ADI1: variants seen among roughly 807,000 people sequenced by gnomAD.
ADI1 encodes the protein acireductone dioxygenase 1.
A neutral mutation model predicts 18.7 loss-of-function variants in ADI1; 21 were observed. The ratio of observed to expected loss-of-function variants is 1.13; its 90% CI spans 0.80 to 1.62. The LOEUF (loss-of-function observed/expected upper bound fraction) is 1.62. Among genes scored for constraint, ADI1 ranks in the 40% most tolerant of loss-of-function variants. The probability of loss-of-function intolerance (pLI) is 0.00; values close to 1 mark genes in which losing one functional copy is unlikely to be tolerated. For missense variants in ADI1, 245 were observed against 254.9 expected (o/e 0.96, Z 0.26); for synonymous variants, 90 against 100.1 (o/e 0.90, Z 0.60).
At chr2:3,514,219 C>T (rs1041641675) in intron 1 of ADI1, among the ~76,000 whole-genome samples, 3 of 152,340 alleles carry the variant, frequency 2.0e-5, no homozygotes, top group African/African-American at 7.2e-5. Context: ...AACAGTCCAT[C>T]CCAGGGGATT....
intron 2 of ADI1, 58 bp downstream of exon 2, chr2:3,513,799 G>A (rs555716253): frequency 5.5e-5 from 83 of 1,501,404 alleles, no homozygotes; most frequent in Middle Eastern, 2.5e-4. Flanking sequence ...AAAATATTGC[G>A]TCTATTAGTA....
At chr2:3,510,358 G>A (rs1667274233) in intron 2 of ADI1, among the ~76,000 whole-genome samples, 2 of 151,880 alleles carry the variant, frequency 1.3e-5, no homozygotes, top group Non-Finnish European at 2.9e-5. Context: ...TAATGACAAA[G>A]AAAGAACTCA....
rs1329009676 is a variant in ADI1, at chr2:3,500,947, C to T, written c.287G>A (p.Arg96His). Residue 96 changes from arginine to histidine, a missense_variant, in exon 3 of 4, where the codon CGC becomes CAC. By Grantham distance (29) the Arg-to-His change is conservative. Transcript: ENST00000327435. ...EEHLHLDDEI[R>H]YILDGSGYFD... The stretch of plus-strand genomic sequence containing the variant: ...GTACCCACTGCCATCCAGGATGTAG[C>T]GGATCTCATCGTCCAAGTGCAAATG... 11 of 1,613,288 alleles carry T rather than the reference C, an allele frequency of 6.8e-6. No individual in the cohort carries two copies. The highest frequency in any genetic ancestry group is 1.6e-4 in the Middle Eastern group (1 of 6,074).
chr2:3,500,865 G>A lies in ADI1; in HGVS notation c.369C>T (p.Asp123=). The A allele has an allele frequency of 6.2e-7, 1 of 1,614,216 alleles. No homozygotes were observed. Among genetic ancestry groups the A allele is most frequent in the Non-Finnish European group, 8.5e-7 (1 of 1,180,036 alleles). The stretch of plus-strand genomic sequence containing the variant: ...AGATCCCCGCGGGGAGCGTCACCAT[G>A]TCTCCCTTCTCCATGAAGATCCGGA... ...QWIRIFMEKG[D]MVTLPAGIYH... is the part of the protein sequence containing the mutation. Residue 123 remains aspartate, a synonymous_variant, in exon 3 of 4, where the codon GAC becomes GAT. Coordinates refer to ENST00000327435, the MANE Select transcript of ADI1 (RefSeq NM_018269.4).
intron 2 of ADI1, among the ~76,000 whole-genome samples, chr2:3,502,448 CTCTTTTT>C (rs1667045234): frequency 1.6e-5 from 2 of 123,438 alleles, no homozygotes; most frequent in Admixed American, 7.9e-5. Context: ...ACGGAAATAG[CTCTTTTT>C]TTTTTTTTTT....
intron 2 of ADI1, among the ~76,000 whole-genome samples, chr2:3,502,842 G>A (rs1275384567): frequency 6.6e-6 from 1 of 152,134 alleles, no homozygotes; most frequent in East Asian, 1.9e-4. Context: ...GCACTCAGTA[G>A]GCCTGCTGCT....
chr2:3,497,983 G>A lies in ADI1; in HGVS notation c.*980C>T, dbSNP rs1214393306. 2.6e-5 allele frequency: 4 copies of A among 151,990 alleles called. No homozygotes were observed. Among genetic ancestry groups the A allele is most frequent in the African/African-American group, 4.8e-5 (2 of 41,448 alleles). The allele number at this position is 151,990 out of a possible 1,614,324, so 9.4% of individuals were successfully genotyped here. A position where few individuals can be genotyped will look rare whatever the true frequency, so the allele number is the denominator to read the frequency against. On this transcript the variant is annotated 3_prime_UTR_variant, in exon 4 of 4. Transcript: ENST00000327435. ...CACACTTGACAGAAGCAAGCCCTGC[G>A]GTATATGGCATCATCACACCACCGG... is the stretch of plus-strand genomic sequence containing the variant.
In ADI1 at chr2:3,519,478, C is replaced by A; in HGVS notation, c.10G>T (p.Ala4Ser). The change falls in exon 1 of 4, where the codon GCC becomes TCC. Residue 4 changes from alanine (A) to serine (S), a missense_variant. Transcript: ENST00000327435. MVQ[A>S]WYMDDAPGDP... ...CCCGGGGCGTCGTCCATATACCAGG[C>A]CTGCACCATGACGCGCAGTGCGGGT... 2 of 1,310,140 alleles carry A rather than the reference C, an allele frequency of 1.5e-6. No individual in the cohort carries two copies. The highest frequency in any genetic ancestry group is 3.1e-5 in the East Asian group (1 of 32,400). The allele number at this position is 1,310,140 out of a possible 1,614,324, so 81.2% of individuals were successfully genotyped here.
intron 3 of ADI1, among the ~76,000 whole-genome samples, chr2:3,499,412 C>A (rs1480036709): frequency 6.6e-6 from 1 of 152,156 alleles, no homozygotes; most frequent in African/African-American, 2.4e-5. Context: ...ACCTCCTCTC[C>A]GCCTCATTTG....
intron 1 of ADI1, chr2:3,519,149 C>T: frequency 1.9e-6 from 1 of 523,506 alleles, no homozygotes; most frequent in Non-Finnish European, 2.9e-6. Context: ...CACACCCAGG[C>T]GCCGCGCAGG....
At position 3,503,925 on chromosome 2, in the gene ADI1, C is replaced by T. The variant is rs547767632; in HGVS notation, c.241-2932G>A. 3.3e-5 allele frequency among the ~76,000 whole-genome samples: 5 copies of T among 152,276 alleles called. No homozygotes were observed. The South Asian group carries it at 6.2e-4, about 19-fold the overall frequency. ...GAACAGAGAAGAGGGGGACATGCCT[C>T]CTGACAGTGAAAACCAACCCCCGGG... On this transcript the variant is annotated intron_variant, in intron 2 of 3. Transcript: ENST00000327435.
At chr2:3,507,702 A>C (rs1300818795) in intron 2 of ADI1, among the ~76,000 whole-genome samples, 1 of 152,224 alleles carries the variant, frequency 6.6e-6, no homozygotes, top group African/African-American at 2.4e-5. Context: ...TGAATCTCAG[A>C]TCTAAGTAAA....
chr2:3,511,649 C>T (rs1476997582), intron 2 of ADI1, among the ~76,000 whole-genome samples: 2 of 152,254 alleles, frequency 1.3e-5, no homozygotes, highest in Non-Finnish European at 1.5e-5. Flanking sequence ...TGGGGCATTG[C>T]TATAAAGATA....
intron 2 of ADI1, among the ~76,000 whole-genome samples, chr2:3,508,731 A>G (rs1225206460): frequency 6.6e-6 from 1 of 152,042 alleles, no homozygotes; most frequent in African/African-American, 2.4e-5. Flanking sequence ...GGGAGACCCC[A>G]CCTCTATGAA....
intron 2 of ADI1, among the ~76,000 whole-genome samples, chr2:3,501,627 C>T (rs945715422): frequency 3.3e-5 from 5 of 151,824 alleles, no homozygotes; most frequent in African/African-American, 1.2e-4. Context: ...TCCGCCTCCC[C>T]GATTCAAGCG....
At position 3,510,167 on chromosome 2, in the gene ADI1, T is replaced by C. The variant is rs149277241; in HGVS notation, c.240+3690A>G. On this transcript the variant is annotated intron_variant, in intron 2 of 3. Coordinates refer to ENST00000327435, the MANE Select transcript of ADI1 (RefSeq NM_018269.4). ...TCAAAAAAAAAAAAAAAAAAAAAATTAGCCTGGCATGGTGGCACATACCTG... is the reference window on the plus strand; with the variant it reads ...TCAAAAAAAAAAAAAAAAAAAAAATCAGCCTGGCATGGTGGCACATACCTG... Among the ~76,000 whole-genome samples the C allele has an allele frequency of 1.8e-3, 261 of 149,034 alleles. 6 individuals are homozygous for C. The East Asian group carries it at 0.042, about 24-fold the overall frequency.
At chr2:3,504,360 A>G (rs11680305) in intron 2 of ADI1, among the ~76,000 whole-genome samples, 76,427 of 152,136 alleles carry the variant, frequency 0.5, 22,469 homozygotes, top group African/African-American at 0.83. Context: ...AATTCCAGAA[A>G]ACAGCAATGA....
rs752238394 is a variant in ADI1, at chr2:3,519,371, C to A, written c.117G>T (p.Trp39Cys). Residue 39 changes from tryptophan (W) to cysteine (C), a missense_variant, in exon 1 of 4, where the codon TGG becomes TGT. Trp to Cys is a radical substitution (Grantham distance 215). Coordinates refer to ENST00000327435, the MANE Select transcript of ADI1 (RefSeq NM_018269.4). Reference protein sequence around the residue: ...EQLRRLGVLYWKLDADKYEND... With the variant: ...EQLRRLGVLYCKLDADKYEND... Reference sequence around the variant, plus strand: ...TGCGAGGCTTGGGCTCGCGTACCTTCCAGTAGAGCACCCCGAGCCGCCGCA... The same window carrying A: ...TGCGAGGCTTGGGCTCGCGTACCTTACAGTAGAGCACCCCGAGCCGCCGCA... 5 of 1,433,394 alleles carry A rather than the reference C, an allele frequency of 3.5e-6. No homozygotes were observed. In the South Asian group the frequency reaches 5.7e-5, roughly 16 times the overall value. The allele number at this position is 1,433,394 out of a possible 1,614,324, so 88.8% of individuals were successfully genotyped here. A position where few individuals can be genotyped will look rare whatever the true frequency, so the allele number is the denominator to read the frequency against.
At chr2:3,513,326 G>C (rs1170372230) in intron 2 of ADI1, among the ~76,000 whole-genome samples, 3 of 152,158 alleles carry the variant, frequency 2.0e-5, no homozygotes, top group African/African-American at 7.2e-5. Context: ...CATGAGATTT[G>C]GGAGGGGCCG....
Sources: gnomAD v4.1 joint callset for allele counts (sites outside exome capture counted in the v4.1 genomes callset) on GRCh38, gnomAD v4.1.1 for gene constraint, MANE v1.5 for transcripts, NCBI Gene and HGNC (gene_info 2026-07-23, HGNC 2026-07-21) for gene names.